NEK4: variants seen among roughly 807,000 people sequenced by gnomAD.
NEK4 encodes serine/threonine-protein kinase Nek4.
A neutral mutation model predicts 98.4 loss-of-function variants in NEK4; 86 were observed. The observed-to-expected ratio is 0.87, with a 90% confidence interval of 0.73 to 1.05. NEK4 has a LOEUF of 1.05. Ranked by LOEUF, NEK4 falls within the 50% of genes least tolerant of loss-of-function variation. NEK4 has a pLI of 0.00. For synonymous variants in NEK4, 328 were observed against 342.2 expected, an observed-to-expected ratio of 0.96 and a Z score of 0.46; for missense variants, 898 against 950.3, an observed-to-expected ratio of 0.94 and a Z score of 0.72.
chr3:52,750,589 C>T (rs1447926881), intron 7 of NEK4, among the ~76,000 whole-genome samples: 1 of 152,074 alleles, frequency 6.6e-6, no homozygotes, highest in Non-Finnish European at 1.5e-5. Flanking sequence ...CACATGCACA[C>T]ACACACAGGC....
At chr3:52,716,325 C>G (rs1275104871) in intron 15 of NEK4, among the ~76,000 whole-genome samples, 1 of 152,210 alleles carries the variant, frequency 6.6e-6, no homozygotes, top group Non-Finnish European at 1.5e-5. Context: ...AACACCAGGC[C>G]CAACTGTCCA....
chr3:52,764,778 G>GCACACACACACACACA lies in NEK4; in HGVS notation c.666+1093_666+1108dup, dbSNP rs56827006. 1.2e-3 allele frequency among the ~76,000 whole-genome samples: 169 copies of GCACACACACACACACA among 145,116 alleles called. 1 individual carries two copies. The highest frequency in any genetic ancestry group is 4.4e-3 in the African/African-American group (160 of 36,708). Reference sequence around the variant, plus strand: ...CGTGCGCATGCACACACACACACATGCACACACACACACACACACACACAC... The same window carrying GCACACACACACACACA: ...CGTGCGCATGCACACACACACACATGCACACACACACACACACACACACACACACACACACACACAC... On this transcript the variant is annotated intron_variant, in intron 4 of 15. Transcript: ENST00000233027.
At chr3:52,727,738 TG>T (rs1334009921) in intron 15 of NEK4, among the ~76,000 whole-genome samples, 5 of 152,228 alleles carry the variant, frequency 3.3e-5, no homozygotes. Flanking sequence ...CCCGAAGTGC[TG>T]GGATTACAGG....
At chr3:52,727,647 A>G (rs2097365793) in intron 15 of NEK4, among the ~76,000 whole-genome samples, 1 of 152,050 alleles carries the variant, frequency 6.6e-6, no homozygotes, top group Non-Finnish European at 1.5e-5. Context: ...TAATTTTTGT[A>G]TTTTTAGTAG....
At chr3:52,722,641 G>A (rs1301041776) in intron 15 of NEK4, among the ~76,000 whole-genome samples, 1 of 152,076 alleles carries the variant, frequency 6.6e-6, no homozygotes, top group Non-Finnish European at 1.5e-5. Flanking sequence ...GGTGACTCAC[G>A]CCTGTAATTA....
rs2097348829 is a variant in NEK4 at position 52,710,059 on chromosome 3, CTAAA to C, written c.*1714_*1717del. On this transcript the variant is annotated 3_prime_UTR_variant, in exon 16 of 16. Transcript: ENST00000233027. ...CAGAGAACCTGGCACACAGTAAACT[CTAAA>C]TAAAAATCTGTTAAGTGTGCCGGGC... 6.6e-6 allele frequency: 1 copy of C among 152,224 alleles called. No individual in the cohort carries two copies. Among genetic ancestry groups the C allele is most frequent in the Non-Finnish European group, 1.5e-5 (1 of 68,102 alleles). 9.4% of individuals were successfully genotyped at this position (152,224 alleles called of 1,614,324 possible).
chr3:52,748,296 G>A (rs911100889), intron 8 of NEK4, among the ~76,000 whole-genome samples: 23 of 152,218 alleles, frequency 1.5e-4, no homozygotes, highest in African/African-American at 5.1e-4. Flanking sequence ...AAAAGAAAAT[G>A]AGAAGTTGTC....
chr3:52,766,149 G>A (rs781135362), intron 3 of NEK4, 29 bp downstream of exon 3: 39 of 1,593,560 alleles, frequency 2.4e-5, no homozygotes, highest in African/African-American at 1.3e-5. Context: ...CAGAGACAAG[G>A]TAAGCCAGCA....
intron 15 of NEK4, among the ~76,000 whole-genome samples, chr3:52,714,827 G>A (rs1474106674): frequency 6.6e-6 from 1 of 152,256 alleles, no homozygotes; most frequent in African/African-American, 2.4e-5. Context: ...ATCTCAGAGC[G>A]GGGTAAGCCC....
chr3:52,720,760 G>A (rs562848692), intron 15 of NEK4, among the ~76,000 whole-genome samples: 51 of 152,278 alleles, frequency 3.3e-4, no homozygotes, highest in African/African-American at 1.1e-3. Flanking sequence ...ACAGGAAAAC[G>A]AAGTGAAGTT....
chr3:52,760,225 T>G (rs1578695645), intron 6 of NEK4, among the ~76,000 whole-genome samples: 1 of 152,150 alleles, frequency 6.6e-6, no homozygotes, highest in East Asian at 1.9e-4. Context: ...TTATTTTTAT[T>G]TTTATTTTTG....
chr3:52,714,457 C>T (rs1180292109), intron 15 of NEK4, among the ~76,000 whole-genome samples: 1 of 152,200 alleles, frequency 6.6e-6, no homozygotes. Flanking sequence ...GTGCCCCGCG[C>T]CCCTGAAGCA....
chr3:52,758,043 G>A (rs1011912588), intron 6 of NEK4, among the ~76,000 whole-genome samples: 7 of 152,012 alleles, frequency 4.6e-5, no homozygotes, highest in African/African-American at 1.7e-4. Flanking sequence ...GCCAGATGTT[G>A]TGGCGTGTAC....
At position 52,768,387 on chromosome 3, in the gene NEK4, G is replaced by A. The variant is rs1406680974; in HGVS notation, c.311C>T (p.Pro104Leu). The A allele has an allele frequency of 6.8e-6, 11 of 1,613,938 alleles. No homozygotes were observed. The highest frequency in any genetic ancestry group is 2.2e-5 in the East Asian group (1 of 44,892). ...AAACCACTCTACCACCTGATTCTCA[G>A]GCAGAAGCTGCCCTTTCTGCTCCTT... is the stretch of plus-strand genomic sequence containing the variant. ...KLKEQKGQLL[P>L]ENQVVEWFVQ... Residue 104 changes from proline (P) to leucine (L), a missense_variant, in exon 2 of 16, where the codon CCT becomes CTT. By Grantham distance (98) the Pro-to-Leu change is moderately conservative. Coordinates refer to ENST00000233027, the MANE Select transcript of NEK4 (RefSeq NM_003157.6).
intron 15 of NEK4, among the ~76,000 whole-genome samples, chr3:52,717,934 C>T (rs1297991523): frequency 6.6e-6 from 1 of 151,828 alleles, no homozygotes; most frequent in Non-Finnish European, 1.5e-5. Context: ...GCTGGGATTA[C>T]AGGCGTATGC....
In NEK4 at chr3:52,754,416, C is replaced by T. The variant is rs6800948; in HGVS notation, c.964-2080G>A. ...AAAAGCCCCCTAAACCCAGAGGCTG[C>T]AATACTGTATGAGAAAGATGTTCAG... is the stretch of plus-strand genomic sequence containing the variant. On this transcript the variant is annotated intron_variant, in intron 6 of 15. Transcript: ENST00000233027. The T allele has an allele frequency of 4.8e-3, 2,544 of 527,980 alleles. 63 individuals are homozygous for T. The highest frequency in any genetic ancestry group is 0.045 in the African/African-American group (2,328 of 51,636). The allele number at this position is 527,980 out of a possible 1,614,324, so 32.7% of individuals were successfully genotyped here.
intron 15 of NEK4, among the ~76,000 whole-genome samples, chr3:52,724,035 C>A (rs1365477287): frequency 2.0e-5 from 3 of 152,030 alleles, no homozygotes; most frequent in Non-Finnish European, 4.4e-5. Context: ...GAGTTCAAGA[C>A]CAACCTGGAT....
At chr3:52,741,560 G>T in intron 12 of NEK4, 61 bp from the exon 13 acceptor site, 1 of 1,048,168 alleles carries the variant, frequency 9.5e-7, no homozygotes, top group Non-Finnish European at 1.5e-6. Context: ...TGTGATACTT[G>T]AACCAGTCTT....
In NEK4 at chr3:52,770,867, GGCCC is replaced by G; in HGVS notation, c.-125_-122del. On this transcript the variant is annotated 5_prime_UTR_variant, in exon 1 of 16. It removes the in-frame stop codon of an upstream open reading frame in the 5' UTR. Coordinates refer to ENST00000233027, the MANE Select transcript of NEK4 (RefSeq NM_003157.6). Reference sequence around the variant, plus strand: ...GTGGGGGCGGCTGTTGAGGCAGCCGGGCCCGGGCGGGATTGCTGGGGCCCGGCCC... The same window carrying G: ...GTGGGGGCGGCTGTTGAGGCAGCCGGGGGCGGGATTGCTGGGGCCCGGCCC... 2 of 840,866 alleles carry G rather than the reference GGCCC, an allele frequency of 2.4e-6. No homozygotes were observed. Among genetic ancestry groups the G allele is most frequent in the Admixed American group, 4.4e-5 (2 of 45,842 alleles). The allele number at this position is 840,866 out of a possible 1,614,324, so 52.1% of individuals were successfully genotyped here.
Sources: allele counts gnomAD v4.1 joint callset (sites outside exome capture counted in the v4.1 genomes callset), GRCh38; gene constraint gnomAD v4.1.1; transcripts MANE v1.5; gene names NCBI Gene and HGNC (gene_info 2026-07-23, HGNC 2026-07-21).